NPC1: variants seen among roughly 807,000 people sequenced by gnomAD.
The protein encoded by NPC1 is Niemann-Pick C1 protein.
Under a neutral mutation model 140.4 loss-of-function variants are expected in NPC1, and 85 were observed. The observed-to-expected ratio is 0.61, with a 90% confidence interval of 0.51 to 0.72. The LOEUF (loss-of-function observed/expected upper bound fraction) is 0.72. Among genes scored for constraint, NPC1 ranks in the 30% least tolerant of loss-of-function variants. NPC1 has a pLI of 0.00. For synonymous variants in NPC1, 656 were observed against 624.8 expected, an observed-to-expected ratio of 1.05 and a Z score of -0.74; for missense variants, 1,504 against 1,623.8, an observed-to-expected ratio of 0.93 and a Z score of 1.27.
chr18:23,531,769 T>C lies in NPC1; in HGVS notation c.*433A>G. ...TTAATTTATTGCATTAATAAAGCTC[T>C]TTAAACTATAAAATGTTATAAAGTG... On this transcript the variant is annotated 3_prime_UTR_variant, in exon 25 of 25. Coordinates refer to ENST00000269228, the MANE Select transcript of NPC1 (RefSeq NM_000271.5). 6.3e-7 allele frequency: 1 copy of C among 1,576,908 alleles called. No homozygotes were observed. The highest frequency in any genetic ancestry group is 1.2e-5 in the South Asian group (1 of 84,912).
intron 1 of NPC1, among the ~76,000 whole-genome samples, chr18:23,584,665 C>A (rs1033948409): frequency 1.3e-5 from 2 of 152,246 alleles, no homozygotes; most frequent in Non-Finnish European, 2.9e-5. Context: ...TCGAGACCAG[C>A]CTGACCAACA....
chr18:23,541,136 A>G lies in NPC1; in HGVS notation c.2446T>C (p.Cys816Arg), dbSNP rs2058707551. The change falls in exon 16 of 25, where the codon TGT (cysteine) becomes CGT (arginine). Residue 816 changes from cysteine to arginine, a missense_variant. Transcript: ENST00000269228. ...GAGTTTTTGAAGAAGCGAAACAAACAGCTCTCTGAGGCCTGGACGCTTGTT... is the reference window on the plus strand; with the variant it reads ...GAGTTTTTGAAGAAGCGAAACAAACGGCTCTCTGAGGCCTGGACGCTTGTT... ...DGTSVQASES[C>R]LFRFFKNSYS... The G allele has an allele frequency of 6.2e-7, 1 of 1,614,214 alleles. No homozygotes were observed.
chr18:23,538,428 G>T, intron 20 of NPC1, 114 bp downstream of exon 20: 1 of 1,288,800 alleles, frequency 7.8e-7, no homozygotes, highest in Non-Finnish European at 1.1e-6. Context: ...CCAGGACAGG[G>T]TGGGGCGGAG....
downstream of NPC1, among the ~76,000 whole-genome samples, chr18:23,518,288 C>T (rs1001088228): frequency 5.3e-5 from 8 of 152,138 alleles, no homozygotes; most frequent in Non-Finnish European, 1.2e-4. Flanking sequence ...GCCAGGAGTT[C>T]AAGACCAGCC....
At chr18:23,534,834 G>A (rs142222415) in intron 22 of NPC1, among the ~76,000 whole-genome samples, 434 of 152,274 alleles carry the variant, frequency 2.9e-3, no homozygotes, top group Admixed American at 6.0e-3. Context: ...CACCCCACCC[G>A]CACCGAGCTG....
intron 1 of NPC1, among the ~76,000 whole-genome samples, chr18:23,523,854 G>A (rs1464627449): frequency 6.6e-6 from 1 of 152,168 alleles, no homozygotes; most frequent in Non-Finnish European, 1.5e-5. Flanking sequence ...AAACGATCAT[G>A]AGTCATCTTT....
At chr18:23,584,951 G>A (rs2059398724) in intron 1 of NPC1, among the ~76,000 whole-genome samples, 1 of 152,188 alleles carries the variant, frequency 6.6e-6, no homozygotes, top group Non-Finnish European at 1.5e-5. Flanking sequence ...GGAGGCCAAG[G>A]TGGAAGGACT....
At chr18:23,531,407 G>A (rs779818258), downstream of NPC1, 28 of 879,638 alleles carry the variant, frequency 3.2e-5, no homozygotes, top group Admixed American at 1.1e-4. Flanking sequence ...AATGTAAGAC[G>A]GCATTTAGTT....
chr18:23,532,189 C>G lies in NPC1; in HGVS notation c.*13G>C. Reference sequence around the variant, plus strand: ...CCTTAGACACAGTTCAGTCAGGATGCCCTGCGAGAGGGCTAGAAATTTAGA... The same window carrying G: ...CCTTAGACACAGTTCAGTCAGGATGGCCTGCGAGAGGGCTAGAAATTTAGA... On this transcript the variant is annotated 3_prime_UTR_variant, in exon 25 of 25. Transcript: ENST00000269228. 1 of 1,614,140 alleles carries G rather than the reference C, an allele frequency of 6.2e-7. No homozygotes were observed. The highest frequency in any genetic ancestry group is 8.5e-7 in the Non-Finnish European group (1 of 1,180,044).
intron 4 of NPC1, among the ~76,000 whole-genome samples, chr18:23,564,674 A>G (rs2059096573): frequency 6.6e-6 from 1 of 152,188 alleles, no homozygotes; most frequent in South Asian, 2.1e-4. Context: ...TTTTATTTTA[A>G]TGAAGTCCAA....
downstream of NPC1, chr18:23,530,664 G>C (rs1598921377): frequency 6.4e-7 from 1 of 1,550,408 alleles, no homozygotes; most frequent in Non-Finnish European, 8.8e-7. Flanking sequence ...AAGAGTAGCA[G>C]AGGGCACTGG....
Position 23,541,800 on chromosome 18 carries a change from T to C in NPC1, c.2246-367A>G, listed in dbSNP as rs148342787. Among the ~76,000 whole-genome samples the C allele has an allele frequency of 4.0e-3, 611 of 152,296 alleles. 6 individuals are homozygous for C. The highest frequency in any genetic ancestry group is 0.014 in the African/African-American group (586 of 41,552). ...GTAAGAAATGGACAGTATTTTCCAT[T>C]TATTACATCAACACTACTAGCCTCC... On this transcript the variant is annotated intron_variant, in intron 14 of 24. Transcript: ENST00000269228.
chr18:23,516,492 G>A, intron 3 of NPC1: 6 of 1,523,080 alleles, frequency 3.9e-6, no homozygotes, highest in Non-Finnish European at 5.4e-6. Context: ...GAAGGAGTGT[G>A]TTACAAGCAC....
chr18:23,572,436 T>G (rs2059217152), intron 2 of NPC1, among the ~76,000 whole-genome samples: 1 of 149,710 alleles, frequency 6.7e-6, no homozygotes, highest in Non-Finnish European at 1.5e-5. Context: ...ATTTTATGTC[T>G]TCTTAGGGTT....
At position 23,585,829 on chromosome 18, in the gene NPC1, T is replaced by TTCACC. The variant is rs527298478; in HGVS notation, c.57+453_57+457dup. ...ACTTATGTCAAGTACTCAAGGCAGT[T>TTCACC]TCACCGGGTGCTTGAGGAAGTTTGT... is the stretch of plus-strand genomic sequence containing the variant. On this transcript the variant is annotated intron_variant, in intron 1 of 24. Transcript: ENST00000269228. 2.8e-4 allele frequency among the ~76,000 whole-genome samples: 42 copies of TTCACC among 152,326 alleles called. No individual in the cohort carries two copies. The East Asian group carries it at 7.7e-3, about 28-fold the overall frequency.
chr18:23,524,603 G>T, downstream of NPC1: 1 of 990,106 alleles, frequency 1.0e-6, no homozygotes, highest in Non-Finnish European at 1.5e-6. Context: ...TTCAAGCGTG[G>T]GAATGGGATT....
chr18:23,558,789 G>A (rs983118711), intron 6 of NPC1, among the ~76,000 whole-genome samples: 3 of 152,078 alleles, frequency 2.0e-5, no homozygotes, highest in African/African-American at 7.2e-5. Flanking sequence ...TGTTACGTAT[G>A]TGTACGTGTG....
chr18:23,522,457 T>G (rs530969828), exon 2 of NPC1: 1 of 152,352 alleles, frequency 6.6e-6, no homozygotes, highest in East Asian at 1.9e-4. Context: ...TTAAACTTTC[T>G]TAAAACATTA....
chr18:23,516,712 T>C (rs1243114352), intron 3 of NPC1, among the ~76,000 whole-genome samples: 2 of 143,280 alleles, frequency 1.4e-5, no homozygotes, highest in Non-Finnish European at 1.5e-5. Flanking sequence ...TATCTTTGTT[T>C]TAGAATTTCT....
Sources: allele counts gnomAD v4.1 joint callset (sites outside exome capture counted in the v4.1 genomes callset), GRCh38; gene constraint gnomAD v4.1.1; transcripts MANE v1.5; gene names NCBI Gene and HGNC (gene_info 2026-07-23, HGNC 2026-07-21).